The following STK17A variants were observed in gnomAD, a reference collection of about 807,000 sequenced individuals.
The protein encoded by STK17A is serine/threonine-protein kinase 17A.
A neutral mutation model predicts 43.7 loss-of-function variants in STK17A; 26 were observed. The ratio of observed to expected loss-of-function variants is 0.60; its 90% CI spans 0.44 to 0.83. The LOEUF is 0.83. Ranked by LOEUF, STK17A falls within the 40% of genes least tolerant of loss-of-function variation. The pLI is 0.00. For missense variants in STK17A, 476 were observed against 511.6 expected (o/e 0.93, Z 0.67); for synonymous variants, 191 against 182.5 (o/e 1.05, Z -0.38).
intron 1 of STK17A, among the ~76,000 whole-genome samples, chr7:43,587,545 G>T (rs552716627): frequency 1.3e-5 from 2 of 151,524 alleles, no homozygotes; most frequent in South Asian, 2.1e-4. Flanking sequence ...AGGGGACTCT[G>T]GGTGGGTATT....
In STK17A at chr7:43,623,562, C is replaced by G. The variant is rs752812959; in HGVS notation, c.692-10C>G. The G allele has an allele frequency of 1.2e-6, 2 of 1,606,060 alleles. No individual in the cohort carries two copies. The highest frequency in any genetic ancestry group is 1.3e-5 in the African/African-American group (1 of 74,542). On this transcript the variant is annotated splice_polypyrimidine_tract_variant and intron_variant, in intron 4 of 6. Coordinates refer to ENST00000319357, the MANE Select transcript of STK17A (RefSeq NM_004760.3). ...CAAAACTAAATGTTTTCTTCTCTTTCTGATACTAGCTCCTGAAATTCTTAG... is the reference window on the plus strand; with the variant it reads ...CAAAACTAAATGTTTTCTTCTCTTTGTGATACTAGCTCCTGAAATTCTTAG...
intron 3 of STK17A, among the ~76,000 whole-genome samples, chr7:43,619,255 A>G (rs962757299): frequency 4.6e-5 from 7 of 152,176 alleles, no homozygotes; most frequent in Non-Finnish European, 8.8e-5. Flanking sequence ...GTGCTTGACC[A>G]TGCTTTCAAG....
At chr7:43,608,777 A>G (rs2082648137) in intron 3 of STK17A, 1 of 159,840 alleles carries the variant, frequency 6.3e-6, no homozygotes, top group Non-Finnish European at 1.4e-5. Context: ...TTTCACTGGA[A>G]TTGAGAAATC....
intron 1 of STK17A, among the ~76,000 whole-genome samples, chr7:43,587,819 C>T (rs902528132): frequency 2.6e-5 from 4 of 151,436 alleles, no homozygotes; most frequent in Non-Finnish European, 4.4e-5. Context: ...AGAAAATTGG[C>T]CATATTTGTG....
At chr7:43,585,656 TCAGA>T (rs1274034186) in intron 1 of STK17A, among the ~76,000 whole-genome samples, 2 of 151,456 alleles carry the variant, frequency 1.3e-5, no homozygotes, top group South Asian at 2.1e-4. Flanking sequence ...GGCTTTGGAG[TCAGA>T]CAGTGTGAGA....
chr7:43,583,863 T>G (rs561072552), intron 1 of STK17A, among the ~76,000 whole-genome samples: 3 of 152,356 alleles, frequency 2.0e-5, no homozygotes, highest in Non-Finnish European at 2.9e-5. Flanking sequence ...TTTCTTGGTC[T>G]GCCTGTGTGG....
rs766773359 is a variant in STK17A at position 43,624,680 on chromosome 7, C to T, written c.1083C>T (p.Thr361=). ...ATTCGGATACCGACAAATCAGAAAC[C>T]AAGGAATCCATTGTAACCGAAGAGT... ...EINSDTDKSE[T]KESIVTEELI... is the part of the protein sequence containing the mutation. Residue 361 remains threonine (T), a synonymous_variant, in exon 7 of 7, where the codon ACC becomes ACT. Transcript: ENST00000319357. The T allele has an allele frequency of 2.5e-6, 4 of 1,613,982 alleles. No individual in the cohort carries two copies. The highest frequency in any genetic ancestry group is 2.5e-6 in the Non-Finnish European group (3 of 1,179,986).
At chr7:43,616,920 CTCAATTTCGTTTT>C (rs1258195751) in intron 3 of STK17A, among the ~76,000 whole-genome samples, 1 of 152,136 alleles carries the variant, frequency 6.6e-6, no homozygotes, top group Non-Finnish European at 1.5e-5. Context: ...CCATCTATGC[CTCAATTTCGTTTT>C]TCATATTGTA....
At chr7:43,594,492 A>G (rs1415154917) in intron 1 of STK17A, among the ~76,000 whole-genome samples, 1 of 152,182 alleles carries the variant, frequency 6.6e-6, no homozygotes, top group Non-Finnish European at 1.5e-5. Context: ...ATATGTACCC[A>G]GTAGTGGAAA....
At chr7:43,624,411 C>T in intron 6 of STK17A, 107 bp from the exon 7 acceptor site, 1 of 1,153,300 alleles carries the variant, frequency 8.7e-7, no homozygotes. Flanking sequence ...AGATTTTTGC[C>T]AACTTGTCAG....
At position 43,587,651 on chromosome 7, in the gene STK17A, A is replaced by ATT. The variant is rs373078306; in HGVS notation, c.206+4207_206+4208dup. On this transcript the variant is annotated intron_variant, in intron 1 of 6. Transcript: ENST00000319357. ...ACTTAAGCGTGTGTCATAAGTTATCATTTTTTAACAAATAAAGACCTTTAT... is the reference window on the plus strand; with the variant it reads ...ACTTAAGCGTGTGTCATAAGTTATCATTTTTTTTAACAAATAAAGACCTTTAT... Among the ~76,000 whole-genome samples the ATT allele has an allele frequency of 9.8e-4, 149 of 151,602 alleles. 1 individual carries two copies. Among genetic ancestry groups the ATT allele is most frequent in the African/African-American group, 3.3e-3 (137 of 41,496 alleles).
rs1414145569 is a variant in STK17A, at chr7:43,583,452, G to T, written c.206+3G>T. On this transcript the variant is annotated splice_donor_region_variant and intron_variant, in intron 1 of 6. Coordinates refer to ENST00000319357, the MANE Select transcript of STK17A (RefSeq NM_004760.3). ...TGCCCGGGCCGGGAGCTGGGCAGGT[G>T]AGGACGGGCGGGGCCCGGCGCGGAA... The T allele has an allele frequency of 7.5e-7, 1 of 1,325,948 alleles. No homozygotes were observed. Among genetic ancestry groups the T allele is most frequent in the Non-Finnish European group, 9.6e-7 (1 of 1,040,430 alleles). The allele number at this position is 1,325,948 out of a possible 1,614,324, so 82.1% of individuals were successfully genotyped here.
intron 3 of STK17A, among the ~76,000 whole-genome samples, chr7:43,610,037 G>A (rs1200698211): frequency 6.6e-6 from 1 of 152,232 alleles, no homozygotes; most frequent in Admixed American, 6.5e-5. Flanking sequence ...CAGGCCAGGG[G>A]CCACTTTAAG....
intron 1 of STK17A, among the ~76,000 whole-genome samples, chr7:43,587,339 A>G (rs1360244197): frequency 6.6e-6 from 1 of 150,834 alleles, no homozygotes; most frequent in African/African-American, 2.4e-5. Flanking sequence ...TATTTTTAGT[A>G]GAGACAGGGG....
chr7:43,627,176 T>C lies in STK17A; in HGVS notation c.*2334T>C, dbSNP rs2084649216. Reference sequence around the variant, plus strand: ...GGTGAAACGTTGTTTATGAAATGTATAAAATGTATAAGTTTTAATCAACTG... The same window carrying C: ...GGTGAAACGTTGTTTATGAAATGTACAAAATGTATAAGTTTTAATCAACTG... On this transcript the variant is annotated 3_prime_UTR_variant, in exon 7 of 7. Transcript: ENST00000319357. Among the ~76,000 whole-genome samples the C allele has an allele frequency of 6.6e-6, 1 of 152,262 alleles. No individual in the cohort carries two copies. Among genetic ancestry groups the C allele is most frequent in the Non-Finnish European group, 1.5e-5 (1 of 68,042 alleles).
intron 4 of STK17A, chr7:43,623,302 G>A (rs759212980): frequency 2.7e-6 from 1 of 367,384 alleles, no homozygotes; most frequent in Non-Finnish European, 4.9e-6. Context: ...GAGATTGTCA[G>A]TTTATGTTTG....
At chr7:43,583,498 G>T (rs551294196) in intron 1 of STK17A, 49 bp downstream of exon 1, 2 of 1,252,512 alleles carry the variant, frequency 1.6e-6, no homozygotes, top group Non-Finnish European at 2.0e-6. Context: ...CGCGCGGGGC[G>T]GGACGTGGGC....
chr7:43,606,911 A>ATTTTTTTTTTTTTTTTTTTTT (rs2082597090), intron 2 of STK17A, among the ~76,000 whole-genome samples: 1 of 58,432 alleles, frequency 1.7e-5, no homozygotes, highest in African/African-American at 6.8e-5. Context: ...TAGCTTTTCG[A>ATTTTTTTTTTTTTTTTTTTTT]TTTTCTTTTT....
At chr7:43,584,704 C>T (rs927552364) in intron 1 of STK17A, among the ~76,000 whole-genome samples, 1 of 152,022 alleles carries the variant, frequency 6.6e-6, no homozygotes, top group Non-Finnish European at 1.5e-5. Flanking sequence ...TGGAATCCTA[C>T]CTTAACAAAG....
Sources: allele counts gnomAD v4.1 joint callset (sites outside exome capture counted in the v4.1 genomes callset), GRCh38; gene constraint gnomAD v4.1.1; transcripts MANE v1.5; gene names NCBI Gene and HGNC (gene_info 2026-07-23, HGNC 2026-07-21).